The following RAPGEF1 variants were observed in gnomAD, a reference collection of about 807,000 sequenced individuals.
RAPGEF1 encodes the protein Rap guanine nucleotide exchange factor 1.
RAPGEF1 carries 33 observed loss-of-function variants against 143.3 expected under a neutral mutation model. The observed-to-expected ratio is 0.23, with a 90% CI of 0.17 to 0.31. RAPGEF1 has a LOEUF of 0.31. Ranked by LOEUF, RAPGEF1 falls within the 10% of genes least tolerant of loss-of-function variation. RAPGEF1 has a pLI of 1.00. For synonymous variants in RAPGEF1, 629 were observed against 676.5 expected (o/e 0.93, Z 1.09); for missense variants, 1,199 against 1,645.4 (o/e 0.73, Z 4.69).
chr9:131,690,739 C>T (rs1833728441), intron 1 of RAPGEF1, among the ~76,000 whole-genome samples: 1 of 152,134 alleles, frequency 6.6e-6, no homozygotes, highest in Admixed American at 6.5e-5. Context: ...GTACAGTGAG[C>T]CGAGATTGTG....
intron 1 of RAPGEF1, among the ~76,000 whole-genome samples, chr9:131,658,782 C>T (rs1247334699): frequency 6.6e-6 from 1 of 152,210 alleles, no homozygotes; most frequent in Non-Finnish European, 1.5e-5. Context: ...CTGCCAGATG[C>T]CAATATTTCA....
chr9:131,710,227 A>C (rs2131204627), intron 1 of RAPGEF1, among the ~76,000 whole-genome samples: 1 of 152,296 alleles, frequency 6.6e-6, no homozygotes, highest in African/African-American at 2.4e-5. Flanking sequence ...TGTCAGAGAA[A>C]ACAAGCTGAT....
At position 131,619,149 on chromosome 9, in the gene RAPGEF1, C is replaced by G; in HGVS notation, c.1963G>C (p.Val655Leu). 1.5e-6 allele frequency: 2 copies of G among 1,317,030 alleles called. No homozygotes were observed. The highest frequency in any genetic ancestry group is 2.0e-6 in the Non-Finnish European group (2 of 996,786). The allele number at this position is 1,317,030 out of a possible 1,614,324, so 81.6% of individuals were successfully genotyped here. ...SVSHCVQQTK[V>L]AFTPEDGSAA... ...CTGCCGTCCTCGGGGGTGAAGGCCA[C>G]TTTAGTTTGCTGGACACAGTGGGAG... Residue 655 changes from valine (V) to leucine (L), a missense_variant, in exon 12 of 27, where the codon GTG (valine) becomes CTG (leucine). Val to Leu is a conservative substitution (Grantham distance 32). Transcript: ENST00000683357.
At chr9:131,594,075 C>T (rs1316777971) in intron 17 of RAPGEF1, among the ~76,000 whole-genome samples, 2 of 152,178 alleles carry the variant, frequency 1.3e-5, no homozygotes, top group Admixed American at 6.5e-5. Context: ...CCACACCACC[C>T]GCAAGCAATG....
chr9:131,587,918 C>A (rs372121770), intron 21 of RAPGEF1, 24 bp downstream of exon 21: 33 of 1,602,828 alleles, frequency 2.1e-5, no homozygotes, highest in Non-Finnish European at 2.7e-5. Context: ...CAGTGTGGCT[C>A]CCCCTGGCAG....
At chr9:131,617,019 CAA>C (rs1403907791) in intron 12 of RAPGEF1, among the ~76,000 whole-genome samples, 14 of 152,174 alleles carry the variant, frequency 9.2e-5, no homozygotes, top group African/African-American at 3.4e-4. Flanking sequence ...GTTTTAGACA[CAA>C]GATGTCTTAA....
chr9:131,646,232 G>A (rs1969579159), intron 3 of RAPGEF1, among the ~76,000 whole-genome samples: 1 of 152,174 alleles, frequency 6.6e-6, no homozygotes, highest in African/African-American at 2.4e-5. Context: ...GGACGTGGGG[G>A]AGGTTAAGCA....
rs557045450 is a variant in RAPGEF1 at position 131,712,359 on chromosome 9, C to T, written c.61+27411G>A. 2.6e-5 allele frequency among the ~76,000 whole-genome samples: 4 copies of T among 152,286 alleles called. No individual in the cohort carries two copies. In the East Asian group the frequency reaches 7.7e-4, roughly 29 times the overall value. The stretch of plus-strand genomic sequence containing the variant: ...AGAATAAACCAATGAGAATTATCCC[C>T]AACATACACACACTGATTGTCCCCA... On this transcript the variant is annotated intron_variant, in intron 1 of 26. Transcript: ENST00000683357.
chr9:131,587,840 G>A lies in RAPGEF1; in HGVS notation c.3139-10C>T, dbSNP rs1346507563. The A allele has an allele frequency of 3.7e-6, 6 of 1,612,522 alleles. No homozygotes were observed. The highest frequency in any genetic ancestry group is 5.1e-6 in the Non-Finnish European group (6 of 1,179,230). On this transcript the variant is annotated splice_polypyrimidine_tract_variant and intron_variant, in intron 21 of 26. Transcript: ENST00000683357. ...GCAAAACCTCAGGAATCTACAAAAG[G>A]AAAGAAGGCAGATGGAGGTGGAGCC...
At chr9:131,630,968 G>A (rs1404694472) in intron 5 of RAPGEF1, among the ~76,000 whole-genome samples, 3 of 151,536 alleles carry the variant, frequency 2.0e-5, no homozygotes, top group Non-Finnish European at 4.4e-5. Flanking sequence ...AAATTAGAAT[G>A]CATTTTTTCC....
Position 131,582,691 on chromosome 9 carries a change from C to T in RAPGEF1, c.3426G>A (p.Glu1142=), listed in dbSNP as rs747693773. 1.3e-6 allele frequency: 2 copies of T among 1,558,984 alleles called. No homozygotes were observed. The highest frequency in any genetic ancestry group is 2.8e-5 in the African/African-American group (2 of 70,664). Residue 1142 remains glutamate (E), a synonymous_variant, in exon 25 of 27, where the codon GAG becomes GAA. Coordinates refer to ENST00000683357, the MANE Select transcript of RAPGEF1 (RefSeq NM_001377935.1). ...WQKQTSEGLA[E]YCTLIDSSSS... The stretch of plus-strand genomic sequence containing the variant: ...ACGAGCTGTCGATCAGTGTGCAGTA[C>T]TCGGCCAGGCCCTGGCAGGACAGGA...
intron 12 of RAPGEF1, among the ~76,000 whole-genome samples, chr9:131,612,749 T>C (rs1368024091): frequency 2.0e-5 from 3 of 152,180 alleles, no homozygotes; most frequent in Admixed American, 2.0e-4. Flanking sequence ...GCACTGGGTC[T>C]TTTAGGAAGA....
intron 9 of RAPGEF1, 30 bp from the exon 10 acceptor site, chr9:131,626,452 C>A: frequency 6.5e-7 from 1 of 1,530,610 alleles, no homozygotes; most frequent in Non-Finnish European, 8.8e-7. Flanking sequence ...AAAAGAGACC[C>A]GTTAGCCACA....
At chr9:131,638,136 C>T (rs894065472) in intron 5 of RAPGEF1, among the ~76,000 whole-genome samples, 18 of 152,232 alleles carry the variant, frequency 1.2e-4, no homozygotes, top group Admixed American at 3.3e-4. Context: ...CTAGGATTCA[C>T]AATTTCTTAT....
intron 12 of RAPGEF1, among the ~76,000 whole-genome samples, chr9:131,605,486 T>G (rs1312064661): frequency 6.6e-6 from 1 of 152,136 alleles, no homozygotes; most frequent in Non-Finnish European, 1.5e-5. Context: ...GGACAGAAAA[T>G]AAAACCTGCG....
intron 1 of RAPGEF1, among the ~76,000 whole-genome samples, chr9:131,697,220 C>G (rs567414929): frequency 5.3e-5 from 8 of 152,130 alleles, no homozygotes; most frequent in African/African-American, 1.9e-4. Flanking sequence ...TCACACTCAG[C>G]TGGCTGGGAT....
rs1275730206 is a variant in RAPGEF1 at position 131,667,873 on chromosome 9, C to G, written c.62-16924G>C. On this transcript the variant is annotated intron_variant, in intron 1 of 26. Transcript: ENST00000683357. This position sits in a 1 kb window ranked among gnomAD's most constrained non-coding sequence, Gnocchi z 4.6. ...CCTCACTGGGCCGTTGGGAGGATGT[C>G]ATACAGTACTGCACATACAGTGAGT... 6.6e-6 allele frequency among the ~76,000 whole-genome samples: 1 copy of G among 152,112 alleles called. No individual in the cohort carries two copies. Among genetic ancestry groups the G allele is most frequent in the Non-Finnish European group, 1.5e-5 (1 of 68,004 alleles).
chr9:131,666,655 G>A (rs1283670306), intron 1 of RAPGEF1, among the ~76,000 whole-genome samples: 1 of 152,126 alleles, frequency 6.6e-6, no homozygotes. Context: ...TAAGTGCTGA[G>A]ATTACAGGCA....
At position 131,579,499 on chromosome 9, in the gene RAPGEF1, A is replaced by G. The variant is rs894426015; in HGVS notation, c.3790T>C (p.Ter1264GlnextTer27). 1 of 1,613,676 alleles carries G rather than the reference A, an allele frequency of 6.2e-7. No individual in the cohort carries two copies. Among genetic ancestry groups the G allele is most frequent in the Non-Finnish European group, 8.5e-7 (1 of 1,179,746 alleles). The change falls in exon 27 of 27, where the codon TAG becomes CAG. Residue 1264 changes from the stop codon to glutamine, a stop_lost. Coordinates refer to ENST00000683357, the MANE Select transcript of RAPGEF1 (RefSeq NM_001377935.1). The stretch of plus-strand genomic sequence containing the variant: ...CTCCTGGATCCCGGCGTCTGCTCCT[A>G]GGTCTTCTCTTCCCGGTCTGTTTTT... ...RRKTDREEKT[*>Q]
Sources: allele counts gnomAD v4.1 joint callset (sites outside exome capture counted in the v4.1 genomes callset), GRCh38; gene constraint gnomAD v4.1.1; non-coding constraint Gnocchi (gnomAD v3.1); transcripts MANE v1.5; gene names NCBI Gene and HGNC (gene_info 2026-07-23, HGNC 2026-07-21).